PTPRS: variants seen among roughly 807,000 people sequenced by gnomAD.
PTPRS encodes the protein protein tyrosine phosphatase receptor type S.
Under a neutral mutation model 215.3 loss-of-function variants are expected in PTPRS, and 63 were observed. That is an observed-to-expected ratio of 0.29 (90% CI 0.24 to 0.36). The LOEUF (loss-of-function observed/expected upper bound fraction) is 0.36. Among genes scored for constraint, PTPRS ranks in the 10% least tolerant of loss-of-function variants. The pLI is 1.00. For missense variants in PTPRS, 2,258 were observed against 2,825.8 expected, an observed-to-expected ratio of 0.80 and a Z score of 4.56; for synonymous variants, 1,404 against 1,191.4, an observed-to-expected ratio of 1.18 and a Z score of -3.68.
chr19:5,207,241 T>C (rs574117327), intron 37 of PTPRS, among the ~76,000 whole-genome samples: 1 of 152,182 alleles, frequency 6.6e-6, no homozygotes, highest in Admixed American at 6.5e-5. Flanking sequence ...TGTACCACCA[T>C]GCCCAGCTGA....
chr19:5,327,678 G>A (rs2050206215), intron 1 of PTPRS, among the ~76,000 whole-genome samples: 1 of 152,116 alleles, frequency 6.6e-6, no homozygotes, highest in Non-Finnish European at 1.5e-5. Flanking sequence ...ATAGCTCACT[G>A]CAGCCTCAAA....
intron 37 of PTPRS, 40 bp downstream of exon 37, chr19:5,207,882 C>T (rs370968922): frequency 3.0e-5 from 48 of 1,604,626 alleles, no homozygotes; most frequent in Admixed American, 1.3e-4. Context: ...GCAGTCGGGG[C>T]GTGAGGCCAG....
rs909186181 is a variant in PTPRS at position 5,215,584 on chromosome 19, G to A, written c.4108C>T (p.His1370Tyr). Reference sequence around the variant, plus strand: ...ATGTCTGCGATGGGAATTGGCGGGTGGCTAAGCATGCCTACAGGGTGGAGC... The same window carrying A: ...ATGTCTGCGATGGGAATTGGCGGGTAGCTAAGCATGCCTACAGGGTGGAGC... ...PGFHFESMLSHPPIPIADMAE... is the reference protein window; with the variant it reads ...PGFHFESMLSYPPIPIADMAE... Residue 1370 changes from histidine to tyrosine, a missense_variant, in exon 27 of 38, where the codon CAC (histidine) becomes TAC (tyrosine). Transcript: ENST00000262963. 6.2e-7 allele frequency: 1 copy of A among 1,607,348 alleles called. No individual in the cohort carries two copies. The highest frequency in any genetic ancestry group is 1.3e-5 in the African/African-American group (1 of 74,946).
chr19:5,226,891 G>A (rs2042550742), intron 16 of PTPRS, among the ~76,000 whole-genome samples: 2 of 152,044 alleles, frequency 1.3e-5, no homozygotes, highest in Admixed American at 6.5e-5. Flanking sequence ...AGATCATCTT[G>A]TCTATTGCAT....
chr19:5,321,548 C>G (rs1417344825), intron 1 of PTPRS, among the ~76,000 whole-genome samples: 1 of 152,194 alleles, frequency 6.6e-6, no homozygotes, highest in Non-Finnish European at 1.5e-5. Context: ...TTTGTAGAGG[C>G]CTCAGTGCTG....
chr19:5,272,512 C>T (rs1214117270), intron 4 of PTPRS, among the ~76,000 whole-genome samples: 2 of 141,674 alleles, frequency 1.4e-5, no homozygotes, highest in African/African-American at 2.6e-5. Flanking sequence ...GCAGGAGAAT[C>T]GCTTGAACCT....
chr19:5,290,510 C>T (rs895392898), intron 1 of PTPRS, among the ~76,000 whole-genome samples: 8 of 152,110 alleles, frequency 5.3e-5, no homozygotes, highest in South Asian at 2.1e-4. Context: ...TGTGCCCACG[C>T]GGTCCAGGAA....
At chr19:5,211,362 C>T (rs979761933) in intron 33 of PTPRS, among the ~76,000 whole-genome samples, 2 of 152,218 alleles carry the variant, frequency 1.3e-5, no homozygotes, top group Non-Finnish European at 2.9e-5. Flanking sequence ...TTGAGAACCA[C>T]TGATAGAACA....
At chr19:5,301,757 C>A (rs2049311950) in intron 1 of PTPRS, among the ~76,000 whole-genome samples, 1 of 151,910 alleles carries the variant, frequency 6.6e-6, no homozygotes, top group Non-Finnish European at 1.5e-5. Flanking sequence ...CCTCCTTGCT[C>A]ATGACTCTGC....
intron 5 of PTPRS, 46 bp downstream of exon 5, chr19:5,264,962 T>G: frequency 6.2e-7 from 1 of 1,603,512 alleles, no homozygotes; most frequent in Non-Finnish European, 8.5e-7. Flanking sequence ...CCCCACCCCC[T>G]GCTGCCCTCC....
intron 9 of PTPRS, among the ~76,000 whole-genome samples, chr19:5,254,691 T>C (rs746321952): frequency 1.3e-5 from 2 of 152,134 alleles, no homozygotes; most frequent in African/African-American, 2.4e-5. Flanking sequence ...CCATGCTGTG[T>C]TGCTGGACAA....
At chr19:5,225,900 A>T in intron 16 of PTPRS, 56 bp from the exon 17 acceptor site, 1 of 1,345,666 alleles carries the variant, frequency 7.4e-7, no homozygotes, top group Non-Finnish European at 1.0e-6. Context: ...AGCCCCACCC[A>T]CCCCCACTCC....
intron 24 of PTPRS, 84 bp from the exon 25 acceptor site, chr19:5,218,616 G>A (rs1384408091): frequency 1.3e-6 from 2 of 1,528,742 alleles, no homozygotes; most frequent in Non-Finnish European, 1.8e-6. Context: ...GGAATGCATG[G>A]TAAGAAAAGG....
At chr19:5,246,221 G>A (rs2044474526) in intron 9 of PTPRS, among the ~76,000 whole-genome samples, 176 bp from the exon 10 acceptor site, 1 of 152,042 alleles carries the variant, frequency 6.6e-6, no homozygotes, top group Non-Finnish European at 1.5e-5. Flanking sequence ...AAACAGGGCT[G>A]GTTCTTTTCC....
chr19:5,235,718 C>A (rs1417017376), intron 13 of PTPRS, among the ~76,000 whole-genome samples: 2 of 152,168 alleles, frequency 1.3e-5, no homozygotes, highest in African/African-American at 4.8e-5. Flanking sequence ...GTGCCCAGCA[C>A]TGTGCCAATC....
intron 17 of PTPRS, 92 bp downstream of exon 17, chr19:5,225,635 G>T: frequency 9.0e-7 from 1 of 1,114,392 alleles, no homozygotes; most frequent in Non-Finnish European, 1.4e-6. Flanking sequence ...CCCTCTGCCT[G>T]CCCTTGTGAG....
intron 19 of PTPRS, 100 bp downstream of exon 19, chr19:5,222,023 A>G (rs1240934642): frequency 2.1e-6 from 2 of 941,592 alleles, no homozygotes; most frequent in African/African-American, 1.6e-5. Context: ...CTGAGCCCTG[A>G]TCCCTCACTT....
intron 9 of PTPRS, among the ~76,000 whole-genome samples, chr19:5,247,353 C>T (rs1007057862): frequency 2.0e-5 from 3 of 152,010 alleles, no homozygotes; most frequent in Non-Finnish European, 2.9e-5. Context: ...TCGGGGGCTC[C>T]GTTTTCGGAA....
At chr19:5,225,904 C>T in intron 16 of PTPRS, 60 bp from the exon 17 acceptor site, 1 of 1,389,382 alleles carries the variant, frequency 7.2e-7, no homozygotes. Flanking sequence ...CCACCCACCC[C>T]CACTCCCCGT....
Sources: gnomAD v4.1 joint callset for allele counts (sites outside exome capture counted in the v4.1 genomes callset) on GRCh38, gnomAD v4.1.1 for gene constraint, MANE v1.5 for transcripts, NCBI Gene and HGNC (gene_info 2026-07-23, HGNC 2026-07-21) for gene names.